The following PCDH11Y variants were observed in gnomAD, a reference collection of about 807,000 sequenced individuals.
The protein encoded by PCDH11Y is protocadherin 11 Y-linked, also known as protocadherin-11 Y-linked.
For synonymous variants in PCDH11Y, 9 were observed against 83.6 expected (o/e 0.11, Z 4.87); for missense variants, 12 against 224.8 (o/e 0.05, Z 6.05).
chrY:5,212,584 A>T, intron 2 of PCDH11Y, among the ~76,000 whole-genome samples: 1 of 32,263 alleles, frequency 3.1e-5, no homozygotes, highest in Non-Finnish European at 7.6e-5. Flanking sequence ...AATTCTTTTT[A>T]GAAGTTAAAA....
intron 3 of PCDH11Y, among the ~76,000 whole-genome samples, chrY:5,518,035 T>A: frequency 3.2e-5 from 1 of 31,669 alleles, no homozygotes; most frequent in Non-Finnish European, 7.7e-5. Flanking sequence ...GCTTACATAA[T>A]TTTGGAACTG....
At chrY:5,029,751 T>C (rs2052585851) in intron 1 of PCDH11Y, among the ~76,000 whole-genome samples, 2 of 28,308 alleles carry the variant, frequency 7.1e-5, no homozygotes, top group Non-Finnish European at 1.7e-4. Flanking sequence ...GGTGAAACCC[T>C]GTCTCAACTA....
chrY:5,476,113 T>G, intron 2 of PCDH11Y, among the ~76,000 whole-genome samples: 1 of 32,271 alleles, frequency 3.1e-5, no homozygotes, highest in African/African-American at 1.2e-4. Flanking sequence ...AACACTAAAT[T>G]TATGAAAGAA....
intron 4 of PCDH11Y, among the ~76,000 whole-genome samples, chrY:5,662,329 TA>T (rs2053541650): frequency 1.1e-3 from 30 of 26,951 alleles, no homozygotes; most frequent in African/African-American, 4.3e-3. Context: ...TACAAGTATT[TA>T]AAAAATATTC....
chrY:5,010,929 CT>C (rs2052548781), intron 1 of PCDH11Y, among the ~76,000 whole-genome samples: 1 of 13,705 alleles, frequency 7.3e-5, no homozygotes. Flanking sequence ...TCAGTAGATT[CT>C]AGGTGAGGCT....
intron 4 of PCDH11Y, among the ~76,000 whole-genome samples, chrY:5,583,953 T>G: frequency 3.8e-5 from 1 of 26,646 alleles, no homozygotes; most frequent in South Asian, 9.6e-4. Context: ...AGCTAGGACT[T>G]CCAGTACTAT....
At chrY:5,681,131 T>A in intron 4 of PCDH11Y, among the ~76,000 whole-genome samples, 1 of 32,932 alleles carries the variant, frequency 3.0e-5, no homozygotes, top group Non-Finnish European at 7.5e-5. Flanking sequence ...AAAATAGAGC[T>A]CTGTATTAGT....
intron 2 of PCDH11Y, among the ~76,000 whole-genome samples, chrY:5,115,800 G>A (rs2052808851): frequency 4.5e-5 from 1 of 22,454 alleles, no homozygotes; most frequent in Non-Finnish European, 1.0e-4. Flanking sequence ...GAGTGCAGTG[G>A]TGCGATCTCG....
At chrY:5,434,765 A>G in intron 2 of PCDH11Y, among the ~76,000 whole-genome samples, 1 of 33,483 alleles carries the variant, frequency 3.0e-5, no homozygotes, top group Non-Finnish European at 7.4e-5. Flanking sequence ...TTTCCTTACA[A>G]TCTTGTATAC....
At chrY:5,300,100 G>T in intron 2 of PCDH11Y, among the ~76,000 whole-genome samples, 1 of 33,337 alleles carries the variant, frequency 3.0e-5, no homozygotes, top group Non-Finnish European at 7.4e-5. Flanking sequence ...ATTCACCTTT[G>T]TGGCATACAG....
chrY:5,153,341 T>A, intron 2 of PCDH11Y, among the ~76,000 whole-genome samples: 1 of 32,872 alleles, frequency 3.0e-5, no homozygotes, highest in Non-Finnish European at 7.6e-5. Flanking sequence ...CTACTTGACT[T>A]CTATCAATGT....
chrY:5,462,783 T>G, intron 2 of PCDH11Y, among the ~76,000 whole-genome samples: 1 of 31,949 alleles, frequency 3.1e-5, no homozygotes, highest in Non-Finnish European at 7.6e-5. Context: ...ATTACAGGCA[T>G]GCACTGCCAC....
intron 2 of PCDH11Y, among the ~76,000 whole-genome samples, chrY:5,136,049 C>A (rs2052839687): frequency 5.4e-4 from 16 of 29,874 alleles, no homozygotes; most frequent in Non-Finnish European, 1.3e-3. Flanking sequence ...AACATATTAA[C>A]AACAAAGAGC....
intron 3 of PCDH11Y, among the ~76,000 whole-genome samples, chrY:5,577,252 C>T (rs2053447029): frequency 3.1e-5 from 1 of 32,209 alleles, no homozygotes; most frequent in South Asian, 7.1e-4. Context: ...CAAAGATTTC[C>T]CTTGAATAAA....
At chrY:5,393,475 C>T (rs2053223222) in intron 2 of PCDH11Y, among the ~76,000 whole-genome samples, 1 of 27,035 alleles carries the variant, frequency 3.7e-5, no homozygotes, top group Non-Finnish European at 8.5e-5. Flanking sequence ...ATTACTTGAG[C>T]CCAGGAATTC....
At chrY:5,298,023 G>A (rs2053077223) in intron 2 of PCDH11Y, among the ~76,000 whole-genome samples, 2 of 33,635 alleles carry the variant, frequency 5.9e-5, no homozygotes, top group African/African-American at 1.2e-4. Flanking sequence ...TTAAGCCTAC[G>A]CTGAAAATGA....
At chrY:5,033,863 C>T in intron 3 of PCDH11Y, among the ~76,000 whole-genome samples, 1 of 32,729 alleles carries the variant, frequency 3.1e-5, no homozygotes, top group East Asian at 8.0e-4. Flanking sequence ...TGGGACCTCC[C>T]AGATCCAGTA....
intron 2 of PCDH11Y, among the ~76,000 whole-genome samples, chrY:5,348,860 T>G: frequency 3.0e-5 from 1 of 32,794 alleles, no homozygotes; most frequent in Non-Finnish European, 7.4e-5. Flanking sequence ...CCAGGTGTGG[T>G]AGCTCCCACT....
At chrY:5,605,734 T>C (rs2053478358) in intron 4 of PCDH11Y, among the ~76,000 whole-genome samples, 2 of 32,472 alleles carry the variant, frequency 6.2e-5, no homozygotes, top group Non-Finnish European at 1.5e-4. Context: ...ACTATCATTA[T>C]GTCATTGATT....
Sources: gnomAD v4.1 joint callset for allele counts (sites outside exome capture counted in the v4.1 genomes callset) on GRCh38, gnomAD v4.1.1 for gene constraint, MANE v1.5 for transcripts, NCBI Gene and HGNC (gene_info 2026-07-23, HGNC 2026-07-21) for gene names.